Variants in ADCY1 observed in about 807,000 individuals in gnomAD.
The protein encoded by ADCY1 is adenylate cyclase 1, also known as adenylate cyclase type 1.
Under a neutral mutation model 105.4 loss-of-function variants are expected in ADCY1, and 28 were observed. That is an observed-to-expected ratio of 0.27 (90% CI 0.20 to 0.36). The LOEUF (loss-of-function observed/expected upper bound fraction) is 0.36, where lower values mean the gene tolerates loss of function less well. ADCY1 is among the 10% of genes least tolerant of loss of function. The probability of loss-of-function intolerance (pLI) is 1.00; values close to 1 mark genes in which losing one functional copy is unlikely to be tolerated. For missense variants in ADCY1, 977 were observed against 1,434.2 expected (o/e 0.68, Z 5.15); for synonymous variants, 655 against 623.8 (o/e 1.05, Z -0.75).
intron 14 of ADCY1, among the ~76,000 whole-genome samples, chr7:45,697,586 C>T (rs1423056658): frequency 1.3e-5 from 2 of 152,112 alleles, no homozygotes; most frequent in Non-Finnish European, 2.9e-5. Context: ...GATGGGGTTT[C>T]TCCATGTTGG....
rs781022268 is a variant in ADCY1 at position 45,686,260 on chromosome 7, A to G, written c.2327+45A>G. Reference sequence around the variant, plus strand: ...AGAAAAAGGCCTAAGCAGCGGTGCTACTGAATCTGTGTATACAGATATGCA... The same window carrying G: ...AGAAAAAGGCCTAAGCAGCGGTGCTGCTGAATCTGTGTATACAGATATGCA... On this transcript the variant is annotated intron_variant, in intron 13 of 19. Coordinates refer to ENST00000297323, the MANE Select transcript of ADCY1 (RefSeq NM_021116.4). This position sits in a 1 kb window ranked among gnomAD's most constrained non-coding sequence, Gnocchi z 4.3. 1.9e-6 allele frequency: 3 copies of G among 1,591,782 alleles called. No individual in the cohort carries two copies. The highest frequency in any genetic ancestry group is 2.7e-5 in the African/African-American group (2 of 74,702).
chr7:45,600,028 C>T (rs1476935033), intron 2 of ADCY1, among the ~76,000 whole-genome samples: 1 of 152,236 alleles, frequency 6.6e-6, no homozygotes, highest in African/African-American at 2.4e-5. Context: ...TTGGTTCTCC[C>T]TGATGGAACA....
intron 8 of ADCY1, among the ~76,000 whole-genome samples, chr7:45,674,642 G>C (rs967695588): frequency 5.9e-5 from 9 of 152,206 alleles, no homozygotes; most frequent in Non-Finnish European, 1.3e-4. Flanking sequence ...AAAGTGCTGG[G>C]ATTACAGGCG....
At chr7:45,653,722 C>G (rs947317621) in intron 5 of ADCY1, among the ~76,000 whole-genome samples, 8 of 152,202 alleles carry the variant, frequency 5.3e-5, no homozygotes, top group Non-Finnish European at 7.4e-5. Context: ...GAGGTCTGTG[C>G]TCACCCACCT....
In ADCY1 at chr7:45,714,074, A is replaced by T; in HGVS notation, c.*79A>T. 1 of 655,396 alleles carries T rather than the reference A, an allele frequency of 1.5e-6. No homozygotes were observed. The allele number at this position is 655,396 out of a possible 1,614,324, so 40.6% of individuals were successfully genotyped here. On this transcript the variant is annotated 3_prime_UTR_variant, in exon 20 of 20. Transcript: ENST00000297323. ...GACACAGGCCACGGTGGCTCCAGCC[A>T]GGACCAGCCAGACCAGCAGAGCAGG...
chr7:45,605,234 T>C (rs894008198), intron 2 of ADCY1, among the ~76,000 whole-genome samples: 2 of 152,222 alleles, frequency 1.3e-5, no homozygotes, highest in Non-Finnish European at 2.9e-5. Context: ...TTTTCTTTTG[T>C]TTCTGCTTTT....
intron 14 of ADCY1, among the ~76,000 whole-genome samples, chr7:45,696,574 AGTT>A (rs1784886730): frequency 1.3e-5 from 2 of 152,138 alleles, no homozygotes; most frequent in African/African-American, 4.8e-5. Context: ...TTGCCTGGCT[AGTT>A]GTTGTGGAAA....
Position 45,685,980 on chromosome 7 carries a change from G to C in ADCY1, c.2092G>C (p.Ala698Pro). 1.9e-6 allele frequency: 3 copies of C among 1,613,528 alleles called. No homozygotes were observed. Among genetic ancestry groups the C allele is most frequent in the Non-Finnish European group, 2.5e-6 (3 of 1,179,724 alleles). ...QGCVVGCLPW[A>P]WSSKPNSSLV... ...TTCCCAGGTGGGCTGCCTGCCTTGG[G>C]CCTGGAGCTCCAAGCCCAACAGTTC... Residue 698 changes from alanine to proline, a missense_variant, in exon 13 of 20, where the codon GCC (alanine) becomes CCC (proline). By Grantham distance (27) the Ala-to-Pro change is conservative (BLOSUM62 -1). Transcript: ENST00000297323.
intron 4 of ADCY1, among the ~76,000 whole-genome samples, chr7:45,624,905 G>A (rs903508703): frequency 1.3e-5 from 2 of 152,220 alleles, no homozygotes; most frequent in Non-Finnish European, 2.9e-5. Flanking sequence ...CTTCCTGGCA[G>A]TCCTGAGATG....
intron 3 of ADCY1, 129 bp downstream of exon 3, chr7:45,610,626 T>A (rs56350129): frequency 1.3e-6 from 1 of 748,322 alleles, no homozygotes; most frequent in Non-Finnish European, 2.2e-6. Flanking sequence ...AATGGGGGTG[T>A]GGAGGTAATG....
At chr7:45,586,128 G>A (rs545689320) in intron 1 of ADCY1, among the ~76,000 whole-genome samples, 57 of 152,276 alleles carry the variant, frequency 3.7e-4, no homozygotes, top group African/African-American at 1.2e-3. Flanking sequence ...GATTCTACCA[G>A]TGCTTTTTCC....
chr7:45,598,498 A>AT (rs1303808788), intron 2 of ADCY1, among the ~76,000 whole-genome samples: 1 of 152,174 alleles, frequency 6.6e-6, no homozygotes, highest in Non-Finnish European at 1.5e-5. Context: ...AATAAGGAGC[A>AT]TGAGGGATGA....
chr7:45,705,384 G>A (rs1785095497), intron 17 of ADCY1, among the ~76,000 whole-genome samples: 2 of 152,152 alleles, frequency 1.3e-5, no homozygotes, highest in East Asian at 3.9e-4. Flanking sequence ...AAACTGCATT[G>A]GATTTTTTCC....
intron 14 of ADCY1, among the ~76,000 whole-genome samples, chr7:45,699,651 G>A (rs538526654): frequency 6.6e-6 from 1 of 152,192 alleles, no homozygotes; most frequent in South Asian, 2.1e-4. Context: ...GCACATCAGG[G>A]ACCTAACTAC....
chr7:45,576,006 T>C (rs181985809), intron 1 of ADCY1, among the ~76,000 whole-genome samples: 2,858 of 152,140 alleles, frequency 0.019, 63 homozygotes, highest in South Asian at 0.096. Flanking sequence ...GAGCTTCCCC[T>C]TGTGCCCATC....
At chr7:45,617,424 G>A (rs1793767836) in intron 3 of ADCY1, among the ~76,000 whole-genome samples, 1 of 152,206 alleles carries the variant, frequency 6.6e-6, no homozygotes, top group Non-Finnish European at 1.5e-5. Context: ...AGCTGTGATA[G>A]GTGGGACTGG....
At chr7:45,699,486 T>C (rs1784950817) in intron 14 of ADCY1, among the ~76,000 whole-genome samples, 1 of 152,122 alleles carries the variant, frequency 6.6e-6, no homozygotes, top group Non-Finnish European at 1.5e-5. Flanking sequence ...TAAGATTACC[T>C]CTAAAAATGC....
chr7:45,652,774 G>A (rs186736081), intron 5 of ADCY1, among the ~76,000 whole-genome samples: 2 of 152,300 alleles, frequency 1.3e-5, no homozygotes, highest in African/African-American at 4.8e-5. Context: ...GCATCTCTTT[G>A]TAAAGACATG....
chr7:45,679,634 A>G (rs893895956), intron 10 of ADCY1, 75 bp from the exon 11 acceptor site: 11 of 1,488,174 alleles, frequency 7.4e-6, no homozygotes, highest in East Asian at 2.3e-5. Context: ...GGGAGGGGCC[A>G]ATTCTCAGCC....
Sources: allele counts gnomAD v4.1 joint callset (sites outside exome capture counted in the v4.1 genomes callset), GRCh38; gene constraint gnomAD v4.1.1; non-coding constraint Gnocchi (gnomAD v3.1); transcripts MANE v1.5; gene names NCBI Gene and HGNC (gene_info 2026-07-23, HGNC 2026-07-21).